The following SLC7A2 variants were observed in gnomAD, a reference collection of about 807,000 sequenced individuals.
The protein encoded by SLC7A2 is solute carrier family 7 member 2.
In SLC7A2, 48 loss-of-function variants were observed where a neutral mutation model predicts 58.9. That is an observed-to-expected ratio of 0.82 (90% CI 0.65 to 1.04). SLC7A2 has a LOEUF of 1.04. Among genes scored for constraint, SLC7A2 ranks in the 50% least tolerant of loss-of-function variants. The pLI, the probability that SLC7A2 is intolerant of heterozygous loss-of-function variation, is 0.00. For missense variants in SLC7A2, 1,029 were observed against 818.8 expected (o/e 1.26, Z -3.13); for synonymous variants, 363 against 314.5 (o/e 1.15, Z -1.63).
In SLC7A2 at chr8:17,512,599, C is replaced by T. The variant is rs561581699; in HGVS notation, c.-23+10297C>T. Reference sequence around the variant, plus strand: ...GTGGAGTGGAGTGAAAAATATATAACCTTTCTTATCCCTCATGGTGGGTTT... The same window carrying T: ...GTGGAGTGGAGTGAAAAATATATAATCTTTCTTATCCCTCATGGTGGGTTT... On this transcript the variant is annotated intron_variant, in intron 2 of 12. Coordinates refer to ENST00000494857, the MANE Select transcript of SLC7A2 (RefSeq NM_001370338.1). Among the ~76,000 whole-genome samples, 13 of 137,784 alleles carry T rather than the reference C, an allele frequency of 9.4e-5. No homozygotes were observed. In the East Asian group the frequency reaches 2.6e-3, roughly 28 times the overall value. The allele number at this position is 137,784 out of a possible 152,430, so 90.4% of individuals were successfully genotyped here. A position where few individuals can be genotyped will look rare whatever the true frequency, so the allele number is the denominator to read the frequency against.
intron 2 of SLC7A2, among the ~76,000 whole-genome samples, chr8:17,527,168 C>T (rs1002796162): frequency 1.3e-5 from 2 of 152,128 alleles, no homozygotes; most frequent in African/African-American, 4.8e-5. Context: ...TGTGTTATAA[C>T]ATGACCTCAA....
At chr8:17,519,224 A>G (rs892149324) in intron 2 of SLC7A2, among the ~76,000 whole-genome samples, 1 of 152,168 alleles carries the variant, frequency 6.6e-6, no homozygotes. Context: ...CACTTACCTC[A>G]TAGGGTTGAT....
At chr8:17,518,911 G>C (rs1174895925) in intron 2 of SLC7A2, among the ~76,000 whole-genome samples, 7 of 152,084 alleles carry the variant, frequency 4.6e-5, no homozygotes, top group Non-Finnish European at 1.5e-5. Context: ...TTGAGCTCTG[G>C]GGAGGGCTCT....
Position 17,566,955 on chromosome 8 carries a change from T to G in SLC7A2, c.*1809T>G, listed in dbSNP as rs1803292940. ...TTTATTGATGCCATTAAAAAGCAAG[T>G]TGCGATGGTTTTGTATAGCCAGGAG... On this transcript the variant is annotated 3_prime_UTR_variant, in exon 13 of 13. Coordinates refer to ENST00000494857, the MANE Select transcript of SLC7A2 (RefSeq NM_001370338.1). The G allele has an allele frequency of 6.6e-6, 1 of 152,572 alleles. No homozygotes were observed. Among genetic ancestry groups the G allele is most frequent in the Non-Finnish European group, 1.5e-5 (1 of 68,012 alleles). The allele number at this position is 152,572 out of a possible 1,614,324, so 9.5% of individuals were successfully genotyped here.
chr8:17,511,644 T>C (rs1800608736), intron 2 of SLC7A2, among the ~76,000 whole-genome samples: 1 of 152,208 alleles, frequency 6.6e-6, no homozygotes, highest in African/African-American at 2.4e-5. Context: ...TACATTAACA[T>C]ATTGACTATA....
intron 2 of SLC7A2, among the ~76,000 whole-genome samples, chr8:17,504,287 G>A (rs1800280876): frequency 6.6e-6 from 1 of 152,204 alleles, no homozygotes; most frequent in South Asian, 2.1e-4. Flanking sequence ...GAGGCCGGTG[G>A]TAAATGAGAT....
chr8:17,510,611 G>C (rs894442456), intron 2 of SLC7A2: 6 of 152,126 alleles, frequency 3.9e-5, no homozygotes, highest in African/African-American at 1.4e-4. Context: ...TCATATGTTT[G>C]TTGGCTGCAT....
intron 1 of SLC7A2, chr8:17,498,503 G>C (rs1262849068): frequency 6.6e-6 from 1 of 152,150 alleles, no homozygotes; most frequent in Non-Finnish European, 1.5e-5. Context: ...TAATTGCACT[G>C]AAGCGTGACA....
intron 8 of SLC7A2, among the ~76,000 whole-genome samples, chr8:17,557,655 C>G (rs1802769758): frequency 1.3e-5 from 2 of 151,998 alleles, no homozygotes; most frequent in Admixed American, 6.6e-5. Flanking sequence ...TGGTGAAACC[C>G]TGCCCCTACG....
At chr8:17,501,106 T>A (rs959816504) in intron 1 of SLC7A2, among the ~76,000 whole-genome samples, 3 of 151,676 alleles carry the variant, frequency 2.0e-5, no homozygotes, top group African/African-American at 7.3e-5. Flanking sequence ...TTTCACCTCG[T>A]GGGTTCAAGC....
intron 2 of SLC7A2, among the ~76,000 whole-genome samples, chr8:17,532,936 C>G (rs943461616): frequency 6.6e-6 from 1 of 151,976 alleles, no homozygotes; most frequent in Non-Finnish European, 1.5e-5. Context: ...CTATAACTTA[C>G]TTTTCTGTCC....
At chr8:17,494,147 T>C (rs746452409), upstream of SLC7A2, among the ~76,000 whole-genome samples, 1 of 152,192 alleles carries the variant, frequency 6.6e-6, no homozygotes, top group Non-Finnish European at 1.5e-5. Context: ...TGGGGAATAA[T>C]AGAGTCACAA....
intron 2 of SLC7A2, among the ~76,000 whole-genome samples, chr8:17,521,118 TA>T: frequency 6.6e-6 from 1 of 152,218 alleles, no homozygotes; most frequent in Middle Eastern, 3.4e-3. Context: ...TTTCTTCTAC[TA>T]TTTTTTTTGG....
intron 2 of SLC7A2, among the ~76,000 whole-genome samples, chr8:17,537,002 G>T (rs76330229): frequency 0.1 from 15,805 of 152,156 alleles, 924 homozygotes; most frequent in East Asian, 0.22. Context: ...CCCTGCTGGG[G>T]CAGCTGCCTT....
chr8:17,552,997 A>C (rs1270478851), intron 7 of SLC7A2, among the ~76,000 whole-genome samples: 1 of 152,192 alleles, frequency 6.6e-6, no homozygotes. Flanking sequence ...TTTTCTAGTT[A>C]AGACAATATT....
At chr8:17,503,258 G>C (rs963936606) in intron 2 of SLC7A2, among the ~76,000 whole-genome samples, 1 of 152,020 alleles carries the variant, frequency 6.6e-6, no homozygotes, top group African/African-American at 2.4e-5. Context: ...CACCGCGTTA[G>C]CCAGGGTGGT....
intron 2 of SLC7A2, among the ~76,000 whole-genome samples, chr8:17,507,203 A>G (rs1800404428): frequency 6.6e-6 from 1 of 152,206 alleles, no homozygotes; most frequent in African/African-American, 2.4e-5. Context: ...CTTCGGCCCC[A>G]CAAAGTGCTG....
chr8:17,542,378 T>C (rs1434161198), intron 2 of SLC7A2, among the ~76,000 whole-genome samples: 1 of 152,112 alleles, frequency 6.6e-6, no homozygotes, highest in Admixed American at 6.5e-5. Context: ...GGGCCAGGCA[T>C]GGTGGTTCAT....
intron 2 of SLC7A2, among the ~76,000 whole-genome samples, chr8:17,504,206 C>G (rs1800278412): frequency 6.6e-6 from 1 of 152,270 alleles, no homozygotes; most frequent in African/African-American, 2.4e-5. Flanking sequence ...GTTTAGTGAG[C>G]CTCAGTGAGG....
Sources: allele counts gnomAD v4.1 joint callset (sites outside exome capture counted in the v4.1 genomes callset), GRCh38; gene constraint gnomAD v4.1.1; transcripts MANE v1.5; gene names NCBI Gene and HGNC (gene_info 2026-07-23, HGNC 2026-07-21).